The following MROH2B variants were observed in gnomAD, a reference collection of about 807,000 sequenced individuals.
MROH2B encodes maestro heat like repeat family member 2B, also known as maestro heat-like repeat-containing protein family member 2B.
Under a neutral mutation model 208.6 loss-of-function variants are expected in MROH2B, and 177 were observed. That is an observed-to-expected ratio of 0.85 (90% CI 0.75 to 0.96). The LOEUF (loss-of-function observed/expected upper bound fraction) is 0.96, where lower values mean the gene tolerates loss of function less well. MROH2B is among the 40% of genes least tolerant of loss of function. The pLI, the probability that MROH2B is intolerant of heterozygous loss-of-function variation, is 0.00. For missense variants in MROH2B, 2,002 were observed against 1,878.7 expected (o/e 1.07, Z -1.21); for synonymous variants, 728 against 659.0 (o/e 1.10, Z -1.60).
intron 24 of MROH2B, among the ~76,000 whole-genome samples, chr5:41,023,956 T>C (rs1446009331): frequency 6.6e-6 from 1 of 152,102 alleles, no homozygotes; most frequent in Non-Finnish European, 1.5e-5. Context: ...AAAGGAGAAA[T>C]AAAATCCTTT....
Position 41,005,534 on chromosome 5 carries a change from A to T in MROH2B, c.3861T>A (p.Ser1287=), listed in dbSNP as rs1741558171. The change falls in exon 35 of 42, where the codon TCT becomes TCA. Residue 1287 remains serine, a synonymous_variant. Transcript: ENST00000399564. ...TCTGAGGGCTGTTCTCCCTTGCCTCAGAGAAGAAAGCTGCGCCGGTTATCC... is the reference window on the plus strand; with the variant it reads ...TCTGAGGGCTGTTCTCCCTTGCCTCTGAGAAGAAAGCTGCGCCGGTTATCC... The part of the protein sequence containing the change: ...NYRITGAAFF[S]ELMKEPILWK... The T allele has an allele frequency of 6.3e-7, 1 of 1,594,030 alleles. No homozygotes were observed. The highest frequency in any genetic ancestry group is 1.7e-5 in the Admixed American group (1 of 57,450).
At position 41,018,676 on chromosome 5, in the gene MROH2B, G is replaced by A; in HGVS notation, c.2673+15C>T. On this transcript the variant is annotated intron_variant, in intron 26 of 41. Coordinates refer to ENST00000399564, the MANE Select transcript of MROH2B (RefSeq NM_173489.5). ...AGGGAGAATGAGAATCAGTTTGAGTGGAGGCTCTACTCACATTAAACATTT... is the reference window on the plus strand; with the variant it reads ...AGGGAGAATGAGAATCAGTTTGAGTAGAGGCTCTACTCACATTAAACATTT... 6.2e-7 allele frequency: 1 copy of A among 1,608,386 alleles called. No individual in the cohort carries two copies. The highest frequency in any genetic ancestry group is 8.5e-7 in the Non-Finnish European group (1 of 1,174,974).
chr5:41,045,313 C>T (rs1743082294), intron 18 of MROH2B, among the ~76,000 whole-genome samples: 1 of 152,118 alleles, frequency 6.6e-6, no homozygotes, highest in African/African-American at 2.4e-5. Flanking sequence ...CTAGAACTGG[C>T]TTTTGAGTAC....
chr5:41,065,333 T>C lies in MROH2B; in HGVS notation c.359A>G (p.Tyr120Cys). ...VLALAELATS[Y>C]VSQSIPFMMM... Reference sequence around the variant, plus strand: ...ATTGGAGAATATTCCCGCTATACCATAGCTGGTTGCCAATTCAGCCAGGGC... The same window carrying C: ...ATTGGAGAATATTCCCGCTATACCACAGCTGGTTGCCAATTCAGCCAGGGC... Residue 120 changes from tyrosine (Y) to cysteine (C), a missense_variant and splice_region_variant, in exon 4 of 42, where the codon TAT becomes TGT. Tyr to Cys is a radical substitution (Grantham distance 194). Coordinates refer to ENST00000399564, the MANE Select transcript of MROH2B (RefSeq NM_173489.5). 6.2e-7 allele frequency: 1 copy of C among 1,611,232 alleles called. No individual in the cohort carries two copies. Among genetic ancestry groups the C allele is most frequent in the Non-Finnish European group, 8.5e-7 (1 of 1,178,656 alleles).
At chr5:41,028,788 T>G (rs950801699) in intron 24 of MROH2B, among the ~76,000 whole-genome samples, 7 of 152,280 alleles carry the variant, frequency 4.6e-5, no homozygotes, top group Middle Eastern at 3.4e-3. Context: ...ACAGATAACT[T>G]AAAATTTTTT....
At chr5:41,059,861 T>G (rs545862933) in intron 6 of MROH2B, among the ~76,000 whole-genome samples, 1 of 152,324 alleles carries the variant, frequency 6.6e-6, no homozygotes, top group South Asian at 2.1e-4. Context: ...TCCATCTAAA[T>G]CCACTTATTT....
At chr5:41,061,819 T>C in intron 5 of MROH2B, 95 bp from the exon 6 acceptor site, 1 of 1,313,604 alleles carries the variant, frequency 7.6e-7, no homozygotes. Context: ...GATTAGTAAA[T>C]ATGTAATGGT....
rs1403912204 is a variant in MROH2B at position 41,018,336 on chromosome 5, C to G, written c.2763+5G>C. 6.2e-7 allele frequency: 1 copy of G among 1,610,768 alleles called. No individual in the cohort carries two copies. The highest frequency in any genetic ancestry group is 8.5e-7 in the Non-Finnish European group (1 of 1,178,370). ...AAAGTCTATTCATTCTAGGGGATTA[C>G]TTACCTCAATATCATTTGTCAGCAC... On this transcript the variant is annotated splice_donor_5th_base_variant and intron_variant, in intron 27 of 41. Transcript: ENST00000399564.
chr5:41,032,623 A>G, intron 24 of MROH2B, 119 bp downstream of exon 24: 1 of 789,158 alleles, frequency 1.3e-6, no homozygotes, highest in South Asian at 1.7e-5. Context: ...GCTCCCATTA[A>G]TGAACTGTGT....
intron 1 of MROH2B, 80 bp downstream of exon 1, chr5:41,070,735 CGCCACTCCCA>C: frequency 7.6e-7 from 1 of 1,323,128 alleles, no homozygotes; most frequent in Non-Finnish European, 1.1e-6. Flanking sequence ...CACAATGACG[CGCCACTCCCA>C]GCCCTCATAT....
chr5:41,026,030 T>C (rs935722329), intron 24 of MROH2B, among the ~76,000 whole-genome samples: 9 of 152,136 alleles, frequency 5.9e-5, no homozygotes, highest in Non-Finnish European at 1.0e-4. Flanking sequence ...ATTGATGGGA[T>C]GTATCTCAAA....
chr5:41,008,760 C>T lies in MROH2B; in HGVS notation c.3454G>A (p.Gly1152Ser). 6.2e-7 allele frequency: 1 copy of T among 1,613,522 alleles called. No individual in the cohort carries two copies. The highest frequency in any genetic ancestry group is 8.5e-7 in the Non-Finnish European group (1 of 1,179,688). ...GGATACAAGCCGGTGACAGAGGTGC[C>T]CATTGAGATCACTTCATACATAGCA... ...ACAMYEVISMGTSVTGLYPEL... is the reference protein window; with the variant it reads ...ACAMYEVISMSTSVTGLYPEL... The change falls in exon 33 of 42, where the codon GGC becomes AGC. Residue 1152 changes from glycine (G) to serine (S), a missense_variant. Transcript: ENST00000399564.
In MROH2B at chr5:41,018,939, G is replaced by T. The variant is rs1188314393; in HGVS notation, c.2521C>A (p.Pro841Thr). Residue 841 changes from proline to threonine, a missense_variant, in exon 25 of 42, where the codon CCT (proline) becomes ACT (threonine). Pro to Thr is a conservative substitution (Grantham distance 38, BLOSUM62 -1). Coordinates refer to ENST00000399564, the MANE Select transcript of MROH2B (RefSeq NM_173489.5). ...CCTTCACTTTTCAGATTTTCCAGAG[G>T]TGGAAGGGGCAGCAGCCTCCGAATA... ...ENIRRLLPLP[P>T]LENLKSEGQT... 1 of 1,613,870 alleles carries T rather than the reference G, an allele frequency of 6.2e-7. No homozygotes were observed. The highest frequency in any genetic ancestry group is 1.7e-5 in the Admixed American group (1 of 59,930).
chr5:41,061,800 A>C, intron 5 of MROH2B, 76 bp from the exon 6 acceptor site: 1 of 1,435,298 alleles, frequency 7.0e-7, no homozygotes, highest in Non-Finnish European at 9.4e-7. Context: ...TTGAGAAGAG[A>C]GTGCTGATGA....
Position 41,010,041 on chromosome 5 carries a change from T to G in MROH2B, c.3174A>C (p.Pro1058=), listed in dbSNP as rs1469017026. The change falls in exon 31 of 42, where the codon CCA becomes CCC. Residue 1058 remains proline (P), a synonymous_variant. Coordinates refer to ENST00000399564, the MANE Select transcript of MROH2B (RefSeq NM_173489.5). ...EILGTIYHHM[P]VLRQKEESFQ... ...AACTTTCTTCTTTTTGTCTGAGGAC[T>G]GGCATGTGATGGTAGATTGTGCCTA... 1 of 1,613,782 alleles carries G rather than the reference T, an allele frequency of 6.2e-7. No individual in the cohort carries two copies. The highest frequency in any genetic ancestry group is 1.3e-5 in the African/African-American group (1 of 74,934).
rs900301068 is a variant in MROH2B, at chr5:41,050,034, C to A, written c.1345-598G>T. ...CTTCTTTGTCATCTATATTTAATCACCAGACTCAGTCCTTTTTTCATTGTA... is the reference window on the plus strand; with the variant it reads ...CTTCTTTGTCATCTATATTTAATCAACAGACTCAGTCCTTTTTTCATTGTA... On this transcript the variant is annotated intron_variant, in intron 13 of 41. Transcript: ENST00000399564. Among the ~76,000 whole-genome samples the A allele has an allele frequency of 6.6e-5, 10 of 152,172 alleles. 1 individual carries two copies. Among genetic ancestry groups the A allele is most frequent in the Admixed American group, 2.0e-4 (3 of 15,276 alleles).
chr5:41,014,329 G>C (rs1054533774), intron 29 of MROH2B, among the ~76,000 whole-genome samples: 1 of 152,040 alleles, frequency 6.6e-6, no homozygotes, highest in Non-Finnish European at 1.5e-5. Context: ...ATTTCAAATA[G>C]AGCAAAAAAC....
chr5:41,047,825 C>T, intron 16 of MROH2B, 61 bp from the exon 17 acceptor site: 1 of 1,433,472 alleles, frequency 7.0e-7, no homozygotes, highest in East Asian at 2.5e-5. Context: ...GACTCAAATT[C>T]TCCCCTCCAG....
At chr5:41,002,892 G>A (rs1741443880) in intron 37 of MROH2B, among the ~76,000 whole-genome samples, 1 of 151,728 alleles carries the variant, frequency 6.6e-6, no homozygotes, top group South Asian at 2.1e-4. Flanking sequence ...CCTGAACAAC[G>A]AAGAAAAAGA....
Sources: gnomAD v4.1 joint callset for allele counts (sites outside exome capture counted in the v4.1 genomes callset) on GRCh38, gnomAD v4.1.1 for gene constraint, MANE v1.5 for transcripts, NCBI Gene and HGNC (gene_info 2026-07-23, HGNC 2026-07-21) for gene names.